MDN1: variants seen among roughly 807,000 people sequenced by gnomAD.
The protein encoded by MDN1 is midasin.
Under a neutral mutation model 669.2 loss-of-function variants are expected in MDN1, and 266 were observed. The observed-to-expected ratio is 0.40, with a 90% CI of 0.36 to 0.44. MDN1 has a LOEUF of 0.44. MDN1 is among the 20% of genes least tolerant of loss of function. The pLI, the probability that MDN1 is intolerant of heterozygous loss-of-function variation, is 1.00. For missense variants in MDN1, 5,940 were observed against 6,754.0 expected, an observed-to-expected ratio of 0.88 and a Z score of 4.22; for synonymous variants, 2,385 against 2,457.1, an observed-to-expected ratio of 0.97 and a Z score of 0.87.
chr6:89,752,601 C>G (rs1817012088), intron 22 of MDN1, among the ~76,000 whole-genome samples: 1 of 152,128 alleles, frequency 6.6e-6, no homozygotes, highest in African/African-American at 2.4e-5. Context: ...TCCAAAACGG[C>G]TATTGTTTCT....
At chr6:89,712,851 CA>C in intron 47 of MDN1, 65 bp from the exon 48 acceptor site, 1 of 1,461,058 alleles carries the variant, frequency 6.8e-7, no homozygotes, top group Non-Finnish European at 9.5e-7. Context: ...CAAAAACCAG[CA>C]AAGTAATAAT....
At chr6:89,681,096 C>T (rs1232519795) in intron 73 of MDN1, among the ~76,000 whole-genome samples, 1 of 152,100 alleles carries the variant, frequency 6.6e-6, no homozygotes, top group African/African-American at 2.4e-5. Flanking sequence ...TTCTCAGACA[C>T]AGCAGCCAGG....
intron 15 of MDN1, 108 bp downstream of exon 15, chr6:89,771,453 A>G: frequency 1.1e-6 from 1 of 937,674 alleles, no homozygotes; most frequent in Non-Finnish European, 1.6e-6. Context: ...CTCTTTTTCT[A>G]TTGCATCGAG....
chr6:89,642,609 TAAATGCAAATGATAA>T lies in MDN1; in HGVS notation c.*1381_*1395del, dbSNP rs1808236078. ...ATTATAGCTCAGCCTACCATGGACA[TAAATGCAAATGATAA>T]CCTTTGTAGTAAGAGCAACATGGAA... On this transcript the variant is annotated 3_prime_UTR_variant, in exon 102 of 102. Coordinates refer to ENST00000369393, the MANE Select transcript of MDN1 (RefSeq NM_014611.3). 6.6e-6 allele frequency: 1 copy of T among 152,202 alleles called. No individual in the cohort carries two copies. Among genetic ancestry groups the T allele is most frequent in the African/African-American group, 2.4e-5 (1 of 41,446 alleles). The allele number at this position is 152,202 out of a possible 1,614,324, so 9.4% of individuals were successfully genotyped here.
rs780920756 is a variant in MDN1, at chr6:89,688,181, A to G, written c.11260-8T>C. The G allele has an allele frequency of 6.2e-7, 1 of 1,612,324 alleles. No homozygotes were observed. Among genetic ancestry groups the G allele is most frequent in the African/African-American group, 1.3e-5 (1 of 74,860 alleles). ...GTCCATTACAACCAGGAGCTGCAGA[A>G]ATAAAGATTTGGGTATCTCAGTAGG... On this transcript the variant is annotated splice_region_variant and splice_polypyrimidine_tract_variant and intron_variant, in intron 66 of 101. Transcript: ENST00000369393.
chr6:89,780,230 T>C lies in MDN1; in HGVS notation c.1707A>G (p.Ser569=). 1 of 1,573,532 alleles carries C rather than the reference T, an allele frequency of 6.4e-7. No individual in the cohort carries two copies. Among genetic ancestry groups the C allele is most frequent in the South Asian group, 1.2e-5 (1 of 82,848 alleles). Reference sequence around the variant, plus strand: ...ATCTTACCTCTTGAAAAATATTTAATGATGCTGATAAAGATGAACTGTCAA... The same window carrying C: ...ATCTTACCTCTTGAAAAATATTTAACGATGCTGATAAAGATGAACTGTCAA... ...HSFDSSSLSA[S]LNIFQEALDC... Residue 569 remains serine, a synonymous_variant, in exon 11 of 102, where the codon TCA becomes TCG. Transcript: ENST00000369393.
At chr6:89,753,417 TAA>T (rs1817055457) in intron 22 of MDN1, 93 bp downstream of exon 22, 1 of 926,860 alleles carries the variant, frequency 1.1e-6, no homozygotes, top group Non-Finnish European at 1.7e-6. Flanking sequence ...CCTTTATAAT[TAA>T]AAAGTTATGT....
intron 1 of MDN1, among the ~76,000 whole-genome samples, chr6:89,810,834 C>T (rs1456668364): frequency 3.3e-5 from 5 of 152,224 alleles, no homozygotes; most frequent in African/African-American, 1.2e-4. Context: ...CACATCTCTA[C>T]TAAAAATACA....
Position 89,716,678 on chromosome 6 carries a change from G to A in MDN1, c.6715C>T (p.Leu2239Phe), listed in dbSNP as rs373979313. Reference protein sequence around the residue: ...LVQALKSGDWLLMDNVNFCNP... With the variant: ...LVQALKSGDWFLMDNVNFCNP... The stretch of plus-strand genomic sequence containing the variant: ...CAGAAGTTAACATTGTCCATCAGAA[G>A]CCAGTCTCCAGACTTCAGGGCCTGA... Residue 2239 changes from leucine to phenylalanine, a missense_variant, in exon 44 of 102, where the codon CTT becomes TTT. By Grantham distance (22) the Leu-to-Phe change is conservative. Coordinates refer to ENST00000369393, the MANE Select transcript of MDN1 (RefSeq NM_014611.3). 8 of 1,613,010 alleles carry A rather than the reference G, an allele frequency of 5.0e-6. No homozygotes were observed. The highest frequency in any genetic ancestry group is 6.8e-6 in the Non-Finnish European group (8 of 1,179,624).
intron 2 of MDN1, among the ~76,000 whole-genome samples, chr6:89,801,044 G>A (rs1004756804): frequency 9.2e-5 from 14 of 152,314 alleles, no homozygotes; most frequent in South Asian, 4.1e-4. Flanking sequence ...CACAGCAGGC[G>A]CTGGTCAAGT....
intron 32 of MDN1, among the ~76,000 whole-genome samples, chr6:89,738,999 A>G (rs554352314): frequency 7.9e-5 from 12 of 152,348 alleles, no homozygotes; most frequent in African/African-American, 2.9e-4. Context: ...TTCCCACCAC[A>G]AGGTCAGTTG....
Position 89,646,546 on chromosome 6 carries a change from T to G in MDN1, c.16453A>C (p.Ser5485Arg). The G allele has an allele frequency of 6.2e-7, 1 of 1,613,990 alleles. No individual in the cohort carries two copies. Among genetic ancestry groups the G allele is most frequent in the East Asian group, 2.2e-5 (1 of 44,880 alleles). ...AGGAAGGCATGCAGCTCACCTGAAC[T>G]GATGTTCTGCGAGAGCTGCTGAGCA... Reference protein sequence around the residue: ...AAAQQLSQNISSETAQLLLVV... With the variant: ...AAAQQLSQNIRSETAQLLLVV... The change falls in exon 100 of 102, where the codon AGT (serine) becomes CGT (arginine). Residue 5485 changes from serine to arginine, a missense_variant. Ser to Arg is a moderately radical substitution (Grantham distance 110). Coordinates refer to ENST00000369393, the MANE Select transcript of MDN1 (RefSeq NM_014611.3).
chr6:89,656,881 C>CAGTGAGAGAAGTTGTA, intron 90 of MDN1, 80 bp from the exon 91 acceptor site: 1 of 1,128,376 alleles, frequency 8.9e-7, no homozygotes, highest in Non-Finnish European at 1.3e-6. Flanking sequence ...TTGAATACAA[C>CAGTGAGAGAAGTTGTA]TTCTCTCACT....
At chr6:89,650,707 A>T in intron 96 of MDN1, 25 bp downstream of exon 96, 1 of 1,569,908 alleles carries the variant, frequency 6.4e-7, no homozygotes, top group Non-Finnish European at 8.8e-7. Flanking sequence ...GGGCACTGTG[A>T]GGCCTTCCAG....
chr6:89,763,385 C>G (rs189427800), intron 15 of MDN1, among the ~76,000 whole-genome samples: 1 of 149,088 alleles, frequency 6.7e-6, no homozygotes, highest in Non-Finnish European at 1.5e-5. Context: ...GTTTGTGGTA[C>G]TCCAAAGCTC....
intron 15 of MDN1, among the ~76,000 whole-genome samples, chr6:89,770,754 A>G (rs1249234296): frequency 6.6e-6 from 1 of 152,114 alleles, no homozygotes; most frequent in Non-Finnish European, 1.5e-5. Flanking sequence ...TCACCCATCT[A>G]GGCCTCCCAA....
chr6:89,816,049 C>A (rs1768802346), intron 1 of MDN1, among the ~76,000 whole-genome samples: 1 of 152,182 alleles, frequency 6.6e-6, no homozygotes, highest in African/African-American at 2.4e-5. Context: ...TAGAAAGAAA[C>A]CAGATAGCAT....
chr6:89,702,758 G>A (rs1562113353), intron 53 of MDN1, among the ~76,000 whole-genome samples: 1 of 152,096 alleles, frequency 6.6e-6, no homozygotes, highest in Non-Finnish European at 1.5e-5. Flanking sequence ...AAATTTTGAT[G>A]AAATCAATTT....
intron 35 of MDN1, 93 bp from the exon 36 acceptor site, chr6:89,729,232 G>T: frequency 1.1e-6 from 1 of 944,680 alleles, no homozygotes; most frequent in South Asian, 1.6e-5. Context: ...TACCACATGG[G>T]TTATCAGTTA....
Sources: allele counts gnomAD v4.1 joint callset (sites outside exome capture counted in the v4.1 genomes callset), GRCh38; gene constraint gnomAD v4.1.1; transcripts MANE v1.5; gene names NCBI Gene and HGNC (gene_info 2026-07-23, HGNC 2026-07-21).